The following FAT3 variants were observed in gnomAD, a reference collection of about 807,000 sequenced individuals.
The protein encoded by FAT3 is FAT atypical cadherin 3, also known as protocadherin Fat 3.
FAT3 carries 95 observed loss-of-function variants against 310.2 expected under a neutral mutation model. The ratio of observed to expected loss-of-function variants is 0.31; its 90% confidence interval spans 0.26 to 0.36. The LOEUF (loss-of-function observed/expected upper bound fraction) is 0.36. Among genes scored for constraint, FAT3 ranks in the 10% least tolerant of loss-of-function variants. The pLI is 1.00. For missense variants in FAT3, 5,408 were observed against 5,715.6 expected, an observed-to-expected ratio of 0.95 and a Z score of 1.74; for synonymous variants, 2,314 against 2,192.9, an observed-to-expected ratio of 1.06 and a Z score of -1.54.
Position 92,469,957 on chromosome 11 carries a change from G to A in FAT3, c.3293-54677G>A, listed in dbSNP as rs533077783. On this transcript the variant is annotated intron_variant, in intron 2 of 27. Transcript: ENST00000525166. ...TACATGTTGTAACAGTTAAATATCT[G>A]GAACATATTATCCAATCATGCTCCA... is the stretch of plus-strand genomic sequence containing the variant. Among the ~76,000 whole-genome samples, 3 of 152,240 alleles carry A rather than the reference G, an allele frequency of 2.0e-5. No individual in the cohort carries two copies. In the South Asian group the frequency reaches 6.2e-4, roughly 32 times the overall value.
At chr11:92,734,443 C>A (rs1284085238) in intron 4 of FAT3, among the ~76,000 whole-genome samples, 1 of 152,170 alleles carries the variant, frequency 6.6e-6, no homozygotes, top group Non-Finnish European at 1.5e-5. Context: ...CAGAGGCTGA[C>A]CTTGTCCAGG....
chr11:92,373,664 T>C (rs972868665), intron 2 of FAT3, among the ~76,000 whole-genome samples: 1 of 151,268 alleles, frequency 6.6e-6, no homozygotes, highest in Admixed American at 6.6e-5. Context: ...AGGCACTGAG[T>C]TAAAAGAGTG....
chr11:92,672,044 G>A (rs1374050605), intron 3 of FAT3, among the ~76,000 whole-genome samples: 2 of 152,122 alleles, frequency 1.3e-5, no homozygotes, highest in African/African-American at 4.8e-5. Context: ...GCTTGAACCT[G>A]GGAGGCGGAG....
intron 1 of FAT3, among the ~76,000 whole-genome samples, chr11:92,258,461 AAGG>A (rs1418474393): frequency 2.0e-5 from 3 of 152,044 alleles, no homozygotes; most frequent in African/African-American, 4.8e-5. Flanking sequence ...TTGTGCCAAG[AAGG>A]AGATGTTCCA....
intron 2 of FAT3, among the ~76,000 whole-genome samples, chr11:92,397,807 A>G (rs1329651955): frequency 6.6e-6 from 1 of 151,212 alleles, no homozygotes; most frequent in Admixed American, 6.6e-5. Flanking sequence ...GCCCAGATAG[A>G]TATCAGTGAC....
chr11:92,771,698 G>GAT (rs1380337189), intron 6 of FAT3, among the ~76,000 whole-genome samples: 16 of 150,194 alleles, frequency 1.1e-4, no homozygotes, highest in Non-Finnish European at 2.1e-4. Flanking sequence ...ATTTGAGGGA[G>GAT]ATATACACAT....
intron 1 of FAT3, among the ~76,000 whole-genome samples, chr11:92,317,419 G>T (rs748311382): frequency 2.0e-5 from 3 of 152,204 alleles, no homozygotes; most frequent in Non-Finnish European, 4.4e-5. Flanking sequence ...ATTGGCTAAA[G>T]TGCTGGCCAA....
intron 4 of FAT3, among the ~76,000 whole-genome samples, chr11:92,758,825 A>G (rs1377700813): frequency 6.6e-6 from 1 of 152,116 alleles, no homozygotes; most frequent in Non-Finnish European, 1.5e-5. Flanking sequence ...CCCAAGTTCA[A>G]TTGGATATAG....
At chr11:92,500,963 C>T (rs1257621206) in intron 2 of FAT3, among the ~76,000 whole-genome samples, 1 of 152,006 alleles carries the variant, frequency 6.6e-6, no homozygotes, top group African/African-American at 2.4e-5. Flanking sequence ...AACATTAAAT[C>T]TGTTAAAGAA....
intron 3 of FAT3, among the ~76,000 whole-genome samples, chr11:92,571,592 A>G (rs1455252087): frequency 6.6e-6 from 1 of 152,168 alleles, no homozygotes; most frequent in Non-Finnish European, 1.5e-5. Flanking sequence ...GTGAAACATC[A>G]TCTTTGGCCT....
rs781117775 is a variant in FAT3, at chr11:92,524,958, T to C, written c.3607+10T>C. On this transcript the variant is annotated intron_variant, in intron 3 of 27. Transcript: ENST00000525166. Reference sequence around the variant, plus strand: ...ATCAATATCAAAACAGGTAAGGGAATGCTTATATGACTTCTTTTTAGTTTG... The same window carrying C: ...ATCAATATCAAAACAGGTAAGGGAACGCTTATATGACTTCTTTTTAGTTTG... 1 of 1,607,582 alleles carries C rather than the reference T, an allele frequency of 6.2e-7. No individual in the cohort carries two copies. The highest frequency in any genetic ancestry group is 1.1e-5 in the South Asian group (1 of 90,714).
intron 12 of FAT3, among the ~76,000 whole-genome samples, 175 bp downstream of exon 12, chr11:92,806,690 A>C (rs554635579): frequency 4.5e-4 from 68 of 152,312 alleles, no homozygotes; most frequent in Non-Finnish European, 8.4e-4. Flanking sequence ...GACCACAGAC[A>C]GATTAACAGG....
At chr11:92,393,546 A>T (rs961446926) in intron 2 of FAT3, among the ~76,000 whole-genome samples, 1 of 152,138 alleles carries the variant, frequency 6.6e-6, no homozygotes, top group Non-Finnish European at 1.5e-5. Context: ...AATGACCGAC[A>T]TCTCGATCTG....
intron 1 of FAT3, among the ~76,000 whole-genome samples, chr11:92,287,530 A>T (rs921594417): frequency 2.0e-5 from 3 of 152,152 alleles, no homozygotes; most frequent in Non-Finnish European, 4.4e-5. Context: ...TGGGTTTCCC[A>T]TCTTGCTGTT....
rs1407594986 is a variant in FAT3 at position 92,354,783 on chromosome 11, C to A, written c.2671C>A (p.Gln891Lys). ...AACTGGAATCGTTTATGTAGCCGAC[C>A]AGTTGGACCGGGAATCCAAAGCCAA... ...SSTGIVYVAD[Q>K]LDRESKANYS... Residue 891 changes from glutamine (Q) to lysine (K), a missense_variant, in exon 2 of 28, where the codon CAG becomes AAG. Transcript: ENST00000525166. 3 of 1,613,762 alleles carry A rather than the reference C, an allele frequency of 1.9e-6. No individual in the cohort carries two copies. The African/African-American group carries it at 4.0e-5, about 22-fold the overall frequency.
rs575952042 is a variant in FAT3 at position 92,797,986 on chromosome 11, G to T, written c.4973G>T (p.Arg1658Leu). ...CCAATGTCTGCTACTGCAATTGTGCGCATTTCCGTCACCATGTCTGACAAT... is the reference window on the plus strand; with the variant it reads ...CCAATGTCTGCTACTGCAATTGTGCTCATTTCCGTCACCATGTCTGACAAT... ...SPPMSATAIV[R>L]ISVTMSDNSH... The change falls in exon 10 of 28, where the codon CGC (arginine) becomes CTC (leucine). Residue 1658 changes from arginine to leucine, a missense_variant. Arg to Leu is a moderately radical substitution (Grantham distance 102). This residue lies in a region of FAT3 where 4,588 missense variants were observed against 4,809.8 expected (regional missense o/e 0.95). Transcript: ENST00000525166. The T allele has an allele frequency of 2.7e-5, 43 of 1,613,752 alleles. No homozygotes were observed. Among genetic ancestry groups the T allele is most frequent in the Non-Finnish European group, 3.6e-5 (43 of 1,179,858 alleles).
chr11:92,291,534 G>C (rs1946695200), intron 1 of FAT3, among the ~76,000 whole-genome samples: 1 of 150,628 alleles, frequency 6.6e-6, no homozygotes, highest in Non-Finnish European at 1.5e-5. Flanking sequence ...GAGGAGCCCA[G>C]AGTCTCTGTC....
At chr11:92,461,847 G>A (rs1162020813) in intron 2 of FAT3, among the ~76,000 whole-genome samples, 3 of 152,114 alleles carry the variant, frequency 2.0e-5, no homozygotes, top group Middle Eastern at 3.2e-3. Context: ...CCCTCGCCTC[G>A]ACTTGCTGTA....
intron 2 of FAT3, among the ~76,000 whole-genome samples, chr11:92,423,216 C>T (rs1378150109): frequency 6.6e-6 from 1 of 152,104 alleles, no homozygotes; most frequent in South Asian, 2.1e-4. Flanking sequence ...TGGATTCCTC[C>T]AAGTCAGTAC....
Sources: gnomAD v4.1 joint callset for allele counts (sites outside exome capture counted in the v4.1 genomes callset) on GRCh38, gnomAD v4.1.1 for gene constraint, gnomAD v4.1.1 regional missense constraint, MANE v1.5 for transcripts, NCBI Gene and HGNC (gene_info 2026-07-23, HGNC 2026-07-21) for gene names.